LOXHD1: variants seen among roughly 807,000 people sequenced by gnomAD.
The protein encoded by LOXHD1 is lipoxygenase homology domain-containing protein 1.
LOXHD1 carries 205 observed loss-of-function variants against 248.2 expected under a neutral mutation model. That is an observed-to-expected ratio of 0.83 (90% CI 0.74 to 0.93). The LOEUF is 0.93. LOXHD1 is among the 40% of genes least tolerant of loss of function. LOXHD1 has a pLI of 0.00. For synonymous variants in LOXHD1, 1,113 were observed against 1,162.8 expected (o/e 0.96, Z 0.87); for missense variants, 2,930 against 2,971.6 (o/e 0.99, Z 0.33).
At chr18:46,512,634 A>G (rs1017849907) in intron 34 of LOXHD1, among the ~76,000 whole-genome samples, 2 of 152,224 alleles carry the variant, frequency 1.3e-5, no homozygotes, top group African/African-American at 4.8e-5. Context: ...AGCTCTACTG[A>G]TGGGGCTCCA....
chr18:46,648,715 T>C (rs2039066306), intron 2 of LOXHD1, among the ~76,000 whole-genome samples: 1 of 152,130 alleles, frequency 6.6e-6, no homozygotes, highest in Admixed American at 6.5e-5. Context: ...GAGTGTGCAA[T>C]GGCTGGCAGG....
intron 35 of LOXHD1, 122 bp downstream of exon 35, chr18:46,509,576 G>T (rs1433296751): frequency 1.3e-6 from 1 of 764,114 alleles, no homozygotes; most frequent in Non-Finnish European, 2.3e-6. Flanking sequence ...TATGGGCTGG[G>T]TTCATGTAAT....
intron 8 of LOXHD1, among the ~76,000 whole-genome samples, chr18:46,600,405 C>T (rs182007362): frequency 2.8e-4 from 43 of 152,256 alleles, no homozygotes; most frequent in African/African-American, 1.0e-3. Flanking sequence ...TCAAGTCCAG[C>T]CTGGCCAACA....
At chr18:46,627,555 A>T (rs910599264) in intron 4 of LOXHD1, among the ~76,000 whole-genome samples, 6 of 152,252 alleles carry the variant, frequency 3.9e-5, no homozygotes, top group Admixed American at 3.3e-4. Flanking sequence ...ATTTAAAGAT[A>T]AAAATAACCA....
chr18:46,544,692 T>C (rs1261881054), intron 23 of LOXHD1: 2 of 392,420 alleles, frequency 5.1e-6, no homozygotes, highest in Non-Finnish European at 1.1e-5. Context: ...ACACAGCTAA[T>C]AAATGGTGGA....
intron 15 of LOXHD1, among the ~76,000 whole-genome samples, chr18:46,569,959 C>T (rs550478249): frequency 2.6e-5 from 4 of 152,322 alleles, no homozygotes; most frequent in Admixed American, 6.5e-5. Flanking sequence ...GAAAGGATTT[C>T]CCACAATCAT....
rs574543776 is a variant in LOXHD1, at chr18:46,576,052, C to T, written c.1970+1655G>A. Among the ~76,000 whole-genome samples, 102 of 152,298 alleles carry T rather than the reference C, an allele frequency of 6.7e-4. No homozygotes were observed. The South Asian group carries it at 0.02, about 29-fold the overall frequency. ...GGCAGGCCTTTCCCATTTCTAGCCC[C>T]GGCTCCAGCCCCTGCACCGTTGTGT... On this transcript the variant is annotated intron_variant, in intron 14 of 40. Coordinates refer to ENST00000642948, the MANE Select transcript of LOXHD1 (RefSeq NM_001384474.1).
At chr18:46,602,124 G>A (rs772425776) in intron 7 of LOXHD1, among the ~76,000 whole-genome samples, 32 of 152,180 alleles carry the variant, frequency 2.1e-4, no homozygotes, top group Non-Finnish European at 4.3e-4. Context: ...GGGACTGGGC[G>A]AAGTAAAAGA....
At chr18:46,601,580 T>G in intron 7 of LOXHD1, 113 bp from the exon 8 acceptor site, 1 of 1,384,504 alleles carries the variant, frequency 7.2e-7, no homozygotes, top group Non-Finnish European at 1.0e-6. Context: ...CCTCCACACA[T>G]CCTCTTTCCC....
At chr18:46,560,048 T>TGCCGGGGCCC in intron 19 of LOXHD1, 35 bp downstream of exon 19, 4 of 1,226,296 alleles carry the variant, frequency 3.3e-6, no homozygotes, top group Non-Finnish European at 4.5e-6. Flanking sequence ...GTCTGGCCAC[T>TGCCGGGGCCC]CCCTCCCCAC....
chr18:46,596,942 C>T (rs2038265730), intron 8 of LOXHD1, among the ~76,000 whole-genome samples: 1 of 152,130 alleles, frequency 6.6e-6, no homozygotes, highest in Non-Finnish European at 1.5e-5. Flanking sequence ...ATCAAAGAAA[C>T]TTCTAAAGGG....
chr18:46,533,008 C>T (rs1156406242), intron 28 of LOXHD1, among the ~76,000 whole-genome samples, 154 bp downstream of exon 28: 1 of 152,222 alleles, frequency 6.6e-6, no homozygotes, highest in Non-Finnish European at 1.5e-5. Flanking sequence ...ATTATGCAAC[C>T]TCTGTGAGCC....
At chr18:46,558,927 G>T in intron 20 of LOXHD1, 2 of 352,132 alleles carry the variant, frequency 5.7e-6, no homozygotes, top group Non-Finnish European at 1.1e-5. Context: ...CTTATCCACT[G>T]GGGCTTAGCA....
intron 15 of LOXHD1, 88 bp from the exon 16 acceptor site, chr18:46,569,726 G>A: frequency 1.9e-6 from 2 of 1,063,080 alleles, no homozygotes; most frequent in Non-Finnish European, 2.7e-6. Context: ...GGGCAGCCTG[G>A]AGCTGGAGGT....
chr18:46,591,316 C>T (rs1281836739), intron 12 of LOXHD1, among the ~76,000 whole-genome samples: 1 of 152,212 alleles, frequency 6.6e-6, no homozygotes, highest in Non-Finnish European at 1.5e-5. Context: ...CTACAAAGCT[C>T]ATTTCAGACT....
intron 5 of LOXHD1, among the ~76,000 whole-genome samples, chr18:46,614,665 A>G (rs2038558802): frequency 6.6e-6 from 1 of 152,124 alleles, no homozygotes; most frequent in Admixed American, 6.6e-5. Flanking sequence ...ACATGTATAC[A>G]TAGGTAACAA....
Position 46,505,911 on chromosome 18 carries a change from C to G in LOXHD1, c.5805G>C (p.Thr1935=). The G allele has an allele frequency of 6.4e-7, 1 of 1,551,892 alleles. No individual in the cohort carries two copies. Among genetic ancestry groups the G allele is most frequent in the Non-Finnish European group, 8.7e-7 (1 of 1,147,038 alleles). ...ANWNKFERNN[T]DTFNFPDMLS... ...GCATGTCAGGGAAGTTGAATGTGTC[C>G]GTGTTGTTCCGCTCAAACTTGTTCC... Residue 1935 remains threonine, a synonymous_variant, in exon 37 of 41, where the codon ACG becomes ACC. Transcript: ENST00000642948.
chr18:46,619,242 C>T (rs1368841832), intron 4 of LOXHD1, among the ~76,000 whole-genome samples: 1 of 152,064 alleles, frequency 6.6e-6, no homozygotes, highest in Non-Finnish European at 1.5e-5. Context: ...TGTCTTTTGC[C>T]CAATATGTGA....
At chr18:46,553,951 G>C (rs552570111) in intron 21 of LOXHD1, among the ~76,000 whole-genome samples, 5 of 152,208 alleles carry the variant, frequency 3.3e-5, no homozygotes, top group African/African-American at 1.2e-4. Context: ...ACAGCAAGGA[G>C]TGAGCAAGGG....
Sources: gnomAD v4.1 joint callset for allele counts (sites outside exome capture counted in the v4.1 genomes callset) on GRCh38, gnomAD v4.1.1 for gene constraint, MANE v1.5 for transcripts, NCBI Gene and HGNC (gene_info 2026-07-23, HGNC 2026-07-21) for gene names.